The following BMAL2 variants were observed in gnomAD, a reference collection of about 807,000 sequenced individuals.
The protein encoded by BMAL2 is basic helix-loop-helix ARNT like 2, also known as basic helix-loop-helix ARNT-like protein 2.
chr12:27,400,643 T>C, the BMAL2 span: 30 of 1,614,024 alleles, frequency 1.9e-5, no homozygotes, highest in Non-Finnish European at 2.5e-5. Flanking sequence ...ACAGTAATTT[T>C]ACCTGCCTTG....
chr12:27,420,468 A>G, the BMAL2 span: 2 of 1,613,892 alleles, frequency 1.2e-6, no homozygotes, highest in Non-Finnish European at 1.7e-6. Context: ...TTTATGAATT[A>G]CTTAGAAGCA....
At chr12:27,390,314 A>G in the BMAL2 span, 1 of 1,460,782 alleles carries the variant, frequency 6.8e-7, no homozygotes, top group Non-Finnish European at 9.4e-7. Context: ...TGTACAGAAA[A>G]AATAAAATAT....
chr12:27,357,071 A>G, the BMAL2 span, among the ~76,000 whole-genome samples: 3 of 152,222 alleles, frequency 2.0e-5, no homozygotes, highest in Admixed American at 2.0e-4. Context: ...AGGTCGCTGC[A>G]AATGACATTA....
the BMAL2 span, among the ~76,000 whole-genome samples, chr12:27,403,216 CTG>C: frequency 6.6e-6 from 1 of 152,152 alleles, no homozygotes; most frequent in Non-Finnish European, 1.5e-5. Context: ...TGGCAAGAGA[CTG>C]GAGTCAAGGG....
the BMAL2 span, among the ~76,000 whole-genome samples, chr12:27,366,068 A>G: frequency 6.6e-6 from 1 of 152,038 alleles, no homozygotes; most frequent in Non-Finnish European, 1.5e-5. Context: ...CTCTTGCCCC[A>G]TGAATTATTT....
chr12:27,383,642 C>T, the BMAL2 span, among the ~76,000 whole-genome samples: 1 of 152,150 alleles, frequency 6.6e-6, no homozygotes, highest in Non-Finnish European at 1.5e-5. Context: ...TTGCTGCAGG[C>T]CAGACCTGAA....
At chr12:27,419,050 A>G in the BMAL2 span, among the ~76,000 whole-genome samples, 1 of 152,182 alleles carries the variant, frequency 6.6e-6, no homozygotes, top group Admixed American at 6.5e-5. Context: ...AGCTATGAGT[A>G]TTGGTAAATA....
chr12:27,363,545 G>A, the BMAL2 span, among the ~76,000 whole-genome samples: 4 of 152,054 alleles, frequency 2.6e-5, no homozygotes, highest in Non-Finnish European at 4.4e-5. Flanking sequence ...GTTTCCTTAG[G>A]ATTTTCCTGG....
At chr12:27,344,123 G>GTA in the BMAL2 span, among the ~76,000 whole-genome samples, 1 of 152,204 alleles carries the variant, frequency 6.6e-6, no homozygotes, top group Non-Finnish European at 1.5e-5. Flanking sequence ...GGAAACTGAG[G>GTA]CATAGAGAAT....
the BMAL2 span, among the ~76,000 whole-genome samples, chr12:27,347,994 C>T: frequency 3.3e-5 from 5 of 152,206 alleles, no homozygotes; most frequent in Non-Finnish European, 4.4e-5. Flanking sequence ...GTAACCAGAT[C>T]CCCTGTGGCT....
the BMAL2 span, chr12:27,401,393 G>A: frequency 3.8e-6 from 6 of 1,578,502 alleles, no homozygotes; most frequent in South Asian, 1.1e-5. Flanking sequence ...AATACATTTT[G>A]GGGAATTTAA....
the BMAL2 span, among the ~76,000 whole-genome samples, chr12:27,399,082 G>C: frequency 6.6e-6 from 1 of 152,140 alleles, no homozygotes; most frequent in South Asian, 2.1e-4. Context: ...AAGAGGTAAG[G>C]AGTTTTGTAA....
chr12:27,396,075 A>G, the BMAL2 span, among the ~76,000 whole-genome samples: 1 of 152,332 alleles, frequency 6.6e-6, no homozygotes, highest in South Asian at 2.1e-4. Context: ...GCCTTTAAAG[A>G]TGTAATTAAG....
chr12:27,346,874 G>T, the BMAL2 span, among the ~76,000 whole-genome samples: 1 of 152,156 alleles, frequency 6.6e-6, no homozygotes, highest in Non-Finnish European at 1.5e-5. Flanking sequence ...TCATGAATAG[G>T]TTAACGTCCT....
At chr12:27,400,158 A>G in the BMAL2 span, among the ~76,000 whole-genome samples, 1 of 152,162 alleles carries the variant, frequency 6.6e-6, no homozygotes, top group African/African-American at 2.4e-5. Context: ...AAAAAACTTA[A>G]TAAGGTGAAA....
chr12:27,355,030 A>G, the BMAL2 span, among the ~76,000 whole-genome samples: 1 of 152,160 alleles, frequency 6.6e-6, no homozygotes, highest in South Asian at 2.1e-4. Context: ...GAAGCCAATC[A>G]CTGTCTTGTG....
chr12:27,398,008 G>A, the BMAL2 span, among the ~76,000 whole-genome samples: 2 of 152,200 alleles, frequency 1.3e-5, no homozygotes, highest in Admixed American at 6.5e-5. Flanking sequence ...ATCTCCTCTG[G>A]TCTCTGGAGC....
the BMAL2 span, among the ~76,000 whole-genome samples, chr12:27,402,084 C>G: frequency 6.6e-6 from 1 of 152,084 alleles, no homozygotes; most frequent in African/African-American, 2.4e-5. Flanking sequence ...ATGCTCAGCA[C>G]GGGGGAGAAC....
chr12:27,356,563 G>A, the BMAL2 span, among the ~76,000 whole-genome samples: 1 of 152,114 alleles, frequency 6.6e-6, no homozygotes, highest in Non-Finnish European at 1.5e-5. Context: ...AGTAAGACGT[G>A]ATACTTAGAA....
Sources: allele counts gnomAD v4.1 joint callset (sites outside exome capture counted in the v4.1 genomes callset), GRCh38; gene constraint gnomAD v4.1.1; transcripts MANE v1.5; gene names NCBI Gene and HGNC (gene_info 2026-07-23, HGNC 2026-07-21).